The following PLCG2 variants were observed in gnomAD, a reference collection of about 807,000 sequenced individuals.
PLCG2 encodes 1-phosphatidylinositol 4,5-bisphosphate phosphodiesterase gamma-2.
PLCG2 carries 69 observed loss-of-function variants against 175.6 expected under a neutral mutation model. The ratio of observed to expected loss-of-function variants is 0.39; its 90% CI spans 0.32 to 0.48. PLCG2 has a LOEUF of 0.48. Among genes scored for constraint, PLCG2 ranks in the 20% least tolerant of loss-of-function variants. The pLI is 0.91. For missense variants in PLCG2, 1,798 were observed against 1,650.9 expected (o/e 1.09, Z -1.54); for synonymous variants, 827 against 624.0 (o/e 1.33, Z -4.85).
chr16:81,943,070 T>C (rs1360788096), intron 30 of PLCG2, among the ~76,000 whole-genome samples: 1 of 152,178 alleles, frequency 6.6e-6, no homozygotes, highest in Admixed American at 6.5e-5. Flanking sequence ...CAGATAGTAC[T>C]GTCCAGCCTG....
intron 1 of PLCG2, among the ~76,000 whole-genome samples, chr16:81,748,447 C>T (rs1909746046): frequency 1.3e-5 from 2 of 150,622 alleles, no homozygotes; most frequent in South Asian, 2.1e-4. Flanking sequence ...GCAGAGTATG[C>T]AGAATGCTGC....
intron 18 of PLCG2, 51 bp from the exon 19 acceptor site, chr16:81,912,546 G>A (rs758133527): frequency 6.2e-7 from 1 of 1,602,748 alleles, no homozygotes; most frequent in South Asian, 1.1e-5. Context: ...GTGGCCCACT[G>A]ACAGCCTGGA....
intron 2 of PLCG2, among the ~76,000 whole-genome samples, chr16:81,794,420 A>G (rs563386949): frequency 6.6e-6 from 1 of 152,314 alleles, no homozygotes; most frequent in South Asian, 2.1e-4. Flanking sequence ...GTGGTCCCCA[A>G]GCCCCTGCAA....
rs1282925498 is a variant in PLCG2 at position 81,854,473 on chromosome 16, C to G, written c.223C>G (p.Pro75Ala). Residue 75 changes from proline (P) to alanine (A), a missense_variant, in exon 3 of 33, where the codon CCA becomes GCA. Physicochemically the swap from Pro to Ala is conservative, Grantham distance 27. Transcript: ENST00000564138. Reference sequence around the variant, plus strand: ...TATCATGGAAATAAAAGAAATCCGCCCAGGGAAGAACTCCAAAGATTTCGA... The same window carrying G: ...TATCATGGAAATAAAAGAAATCCGCGCAGGGAAGAACTCCAAAGATTTCGA... ...LDIMEIKEIR[P>A]GKNSKDFERA... 6.2e-7 allele frequency: 1 copy of G among 1,614,030 alleles called. No homozygotes were observed. The highest frequency in any genetic ancestry group is 8.5e-7 in the Non-Finnish European group (1 of 1,179,918).
chr16:81,944,322 C>T (rs762488765), intron 30 of PLCG2, among the ~76,000 whole-genome samples: 29 of 148,920 alleles, frequency 1.9e-4, no homozygotes, highest in Non-Finnish European at 2.5e-4. Flanking sequence ...CATTATGTAT[C>T]GAACATATGC....
At chr16:81,813,497 G>T (rs1597333235) in intron 2 of PLCG2, among the ~76,000 whole-genome samples, 1 of 152,174 alleles carries the variant, frequency 6.6e-6, no homozygotes, top group South Asian at 2.1e-4. Flanking sequence ...AGAAATGGTT[G>T]TGATTTTTGC....
rs141242816 is a variant in PLCG2, at chr16:81,882,470, A to G, written c.693-799A>G. ...GAACTCTGGATCGTGGCTTCTGAGG[A>G]GGCCCTTGGGTCTGGCTCCTGTCCT... is the stretch of plus-strand genomic sequence containing the variant. On this transcript the variant is annotated intron_variant, in intron 8 of 32. Transcript: ENST00000564138. Among the ~76,000 whole-genome samples the G allele has an allele frequency of 2.4e-3, 361 of 152,060 alleles. 1 individual carries two copies. The highest frequency in any genetic ancestry group is 8.1e-3 in the African/African-American group (337 of 41,470).
chr16:81,916,309 C>T (rs962680946), intron 19 of PLCG2, among the ~76,000 whole-genome samples: 31 of 149,698 alleles, frequency 2.1e-4, no homozygotes, highest in Non-Finnish European at 4.0e-4. Context: ...AAAAAAACAA[C>T]GTTTTTTAAA....
chr16:81,815,105 G>C (rs1163459402), intron 2 of PLCG2, among the ~76,000 whole-genome samples: 1 of 152,198 alleles, frequency 6.6e-6, no homozygotes, highest in South Asian at 2.1e-4. Flanking sequence ...CTGAGTTATG[G>C]AAGGAATGAT....
chr16:81,869,286 A>G lies in PLCG2; in HGVS notation c.552A>G (p.Lys184=). 1 of 1,612,340 alleles carries G rather than the reference A, an allele frequency of 6.2e-7. No individual in the cohort carries two copies. The highest frequency in any genetic ancestry group is 8.5e-7 in the Non-Finnish European group (1 of 1,178,352). ...NFKVSSAKFL[K]DKFVEIGAHK... ...AAGTGAGCAGTGCCAAGTTCCTTAA[A>G]GATAAGTTTGTGGTAAGTTTCATGG... Residue 184 remains lysine, a synonymous_variant, in exon 6 of 33, where the codon AAA becomes AAG. Coordinates refer to ENST00000564138, the MANE Select transcript of PLCG2 (RefSeq NM_002661.5).
At chr16:81,944,639 A>C (rs1911079755) in intron 30 of PLCG2, among the ~76,000 whole-genome samples, 1 of 151,870 alleles carries the variant, frequency 6.6e-6, no homozygotes, top group Non-Finnish European at 1.5e-5. Flanking sequence ...TAAATTTTTT[A>C]TTTTATTTTA....
At chr16:81,930,622 C>T (rs117170490) in intron 24 of PLCG2, among the ~76,000 whole-genome samples, 44 of 150,912 alleles carry the variant, frequency 2.9e-4, no homozygotes, top group South Asian at 1.1e-3. Context: ...GTGGTGTGCA[C>T]CTGTGGTCTC....
chr16:81,837,877 A>C (rs1197392083), intron 2 of PLCG2, among the ~76,000 whole-genome samples: 1 of 152,118 alleles, frequency 6.6e-6, no homozygotes. Context: ...ATTAACATTC[A>C]CAACATTCAT....
chr16:81,743,036 C>A (rs955473901), intron 1 of PLCG2, among the ~76,000 whole-genome samples: 9 of 152,192 alleles, frequency 5.9e-5, no homozygotes, highest in Admixed American at 5.9e-4. Flanking sequence ...TTCGGTGGCT[C>A]ATGCCTGTAG....
intron 2 of PLCG2, among the ~76,000 whole-genome samples, chr16:81,796,731 G>A (rs79369548): frequency 1.3e-5 from 2 of 152,332 alleles, no homozygotes; most frequent in African/African-American, 4.8e-5. Context: ...TGTGAAGACA[G>A]ATACAGAAAT....
At chr16:81,880,565 T>C (rs997422200) in intron 7 of PLCG2, among the ~76,000 whole-genome samples, 3 of 139,924 alleles carry the variant, frequency 2.1e-5, no homozygotes, top group African/African-American at 7.9e-5. Flanking sequence ...ATGTAAAGCT[T>C]GAAACACAGC....
chr16:81,928,420 T>A, intron 23 of PLCG2, 138 bp from the exon 24 acceptor site: 1 of 644,966 alleles, frequency 1.6e-6, no homozygotes, highest in Non-Finnish European at 2.9e-6. Context: ...TCTCTCCCCA[T>A]GGACGTATCT....
chr16:81,845,178 T>G (rs1002242125), intron 2 of PLCG2, among the ~76,000 whole-genome samples: 2 of 152,294 alleles, frequency 1.3e-5, no homozygotes, highest in Non-Finnish European at 2.9e-5. Context: ...TGGTTTCAAA[T>G]GATCCTCCTA....
At chr16:81,752,141 C>T (rs549550859) in intron 1 of PLCG2, among the ~76,000 whole-genome samples, 2 of 152,284 alleles carry the variant, frequency 1.3e-5, no homozygotes, top group Admixed American at 6.5e-5. Flanking sequence ...AACTATGAGC[C>T]TGCTGAGTGC....
Sources: allele counts gnomAD v4.1 joint callset (sites outside exome capture counted in the v4.1 genomes callset), GRCh38; gene constraint gnomAD v4.1.1; transcripts MANE v1.5; gene names NCBI Gene and HGNC (gene_info 2026-07-23, HGNC 2026-07-21).